Variants in CDK13 observed in about 807,000 individuals in gnomAD.
The protein encoded by CDK13 is cyclin-dependent kinase 13.
Under a neutral mutation model 137.6 loss-of-function variants are expected in CDK13, and 40 were observed. The ratio of observed to expected loss-of-function variants is 0.29; its 90% CI spans 0.23 to 0.38. The LOEUF is 0.38. Ranked by LOEUF, CDK13 falls within the 10% of genes least tolerant of loss-of-function variation. CDK13 has a pLI of 1.00. For missense variants in CDK13, 1,704 were observed against 1,951.8 expected (o/e 0.87, Z 2.39); for synonymous variants, 869 against 760.1 (o/e 1.14, Z -2.36).
intron 5 of CDK13, among the ~76,000 whole-genome samples, chr7:40,024,777 C>T (rs1338135709): frequency 1.3e-5 from 2 of 149,210 alleles, no homozygotes; most frequent in Non-Finnish European, 3.0e-5. Context: ...GATTCCCCTG[C>T]GTCTACCTCC....
At chr7:40,093,312 G>C (rs1168339256) in intron 13 of CDK13, 75 bp downstream of exon 13, 1 of 1,227,294 alleles carries the variant, frequency 8.1e-7, no homozygotes, top group African/African-American at 1.5e-5. Context: ...TATATATAAT[G>C]TGTATAGTTC....
At chr7:39,976,306 C>T (rs1023373562) in intron 1 of CDK13, among the ~76,000 whole-genome samples, 4 of 83,626 alleles carry the variant, frequency 4.8e-5, no homozygotes, top group African/African-American at 1.5e-4. Flanking sequence ...CTCTCTCTCT[C>T]TCTCTCTCTC....
chr7:39,987,669 T>A lies in CDK13; in HGVS notation c.1282T>A (p.Leu428Met), dbSNP rs1411255258. Residue 428 changes from leucine to methionine, a missense_variant, in exon 2 of 14, where the codon TTG (leucine) becomes ATG (methionine). This residue lies in a region of CDK13 where 1,051 missense variants were observed against 931.0 expected (regional missense o/e 1.13). Coordinates refer to ENST00000181839, the MANE Select transcript of CDK13 (RefSeq NM_003718.5). ...RHSRSRSRHR[L>M]SRSRSRHSSI... Reference sequence around the variant, plus strand: ...TTCAAGATCTCGTAGCAGGCACAGATTGTCTAGATCCAGAAGTCGTCATTC... The same window carrying A: ...TTCAAGATCTCGTAGCAGGCACAGAATGTCTAGATCCAGAAGTCGTCATTC... 2.5e-6 allele frequency: 4 copies of A among 1,613,354 alleles called. No homozygotes were observed. Among genetic ancestry groups the A allele is most frequent in the South Asian group, 1.1e-5 (1 of 90,982 alleles).
Position 40,094,522 on chromosome 7 carries a change from C to T in CDK13, c.4081C>T (p.Pro1361Ser), listed in dbSNP as rs746659778. 11 of 1,612,604 alleles carry T rather than the reference C, an allele frequency of 6.8e-6. No homozygotes were observed. Among genetic ancestry groups the T allele is most frequent in the Non-Finnish European group, 8.5e-6 (10 of 1,179,494 alleles). ...SNDGLGSSSA[P>S]PLERRSFIGN... ...TGATGGTCTAGGAAGCAGTTCTGCT[C>T]CACCACTAGAACGACGTAGTTTCAT... Residue 1361 changes from proline (P) to serine (S), a missense_variant, in exon 14 of 14, where the codon CCA (proline) becomes TCA (serine). This residue lies in a region of CDK13 where 475 missense variants were observed against 579.3 expected (regional missense o/e 0.82). Transcript: ENST00000181839.
At chr7:40,027,670 T>TC (rs1297262068) in intron 5 of CDK13, among the ~76,000 whole-genome samples, 4 of 151,304 alleles carry the variant, frequency 2.6e-5, no homozygotes, top group African/African-American at 9.8e-5. Flanking sequence ...TTTTTTTTTT[T>TC]TTTTTTTTGA....
intron 11 of CDK13, among the ~76,000 whole-genome samples, chr7:40,081,999 C>G (rs530764650): frequency 3.7e-4 from 56 of 152,130 alleles, no homozygotes; most frequent in Non-Finnish European, 7.5e-4. Flanking sequence ...ATTTTTTTCC[C>G]AAGTAGTTTG....
intron 5 of CDK13, among the ~76,000 whole-genome samples, chr7:40,034,463 T>C (rs1051374189): frequency 1.3e-5 from 2 of 152,218 alleles, no homozygotes; most frequent in African/African-American, 4.8e-5. Context: ...ATTTTTTTTC[T>C]ATATTTTACT....
intron 2 of CDK13, among the ~76,000 whole-genome samples, chr7:39,992,173 T>TGC (rs1784475080): frequency 1.2e-5 from 1 of 83,670 alleles, no homozygotes; most frequent in Non-Finnish European, 3.6e-5. Flanking sequence ...GGTGTGTGTG[T>TGC]GTGTGTGTGT....
intron 1 of CDK13, among the ~76,000 whole-genome samples, chr7:39,957,132 T>TGTGTGTGTGTGTG (rs1787432278): frequency 6.9e-6 from 1 of 144,806 alleles, no homozygotes; most frequent in African/African-American, 2.6e-5. Context: ...TGTGTGTGTG[T>TGTGTGTGTGTGTG]TTTGGTAGAG....
intron 12 of CDK13, chr7:40,092,416 G>A (rs1020881452): frequency 5.3e-6 from 1 of 188,258 alleles, no homozygotes; most frequent in African/African-American, 2.4e-5. Context: ...AAGGAATAAA[G>A]GATATTAAAT....
intron 1 of CDK13, among the ~76,000 whole-genome samples, chr7:39,979,958 T>G (rs192052495): frequency 9.2e-5 from 14 of 152,254 alleles, no homozygotes; most frequent in Admixed American, 7.2e-4. Flanking sequence ...CAAGGGAACA[T>G]TTTCCCAAGA....
intron 7 of CDK13, chr7:40,062,474 G>A (rs557554585): frequency 5.3e-6 from 1 of 187,142 alleles, no homozygotes; most frequent in East Asian, 1.5e-4. Flanking sequence ...TACAGATGGG[G>A]TTTCACCGTG....
In CDK13 at chr7:40,001,962, C is replaced by CA; in HGVS notation, c.2285dup (p.Ser763GlufsTer11). ...TAAAATTCTCCGGCAGCTTACCCATCAGAGTATTATCAATATGAAGGAAAT... is the reference window on the plus strand; with the variant it reads ...TAAAATTCTCCGGCAGCTTACCCATCAAGAGTATTATCAATATGAAGGAAAT... On this transcript the variant is annotated frameshift_variant, in exon 5 of 14. Transcript: ENST00000181839. LOFTEE classifies it high-confidence loss of function. 1 of 1,610,508 alleles carries CA rather than the reference C, an allele frequency of 6.2e-7. No homozygotes were observed. The highest frequency in any genetic ancestry group is 8.5e-7 in the Non-Finnish European group (1 of 1,177,124).
chr7:40,081,301 G>C (rs955293004), intron 11 of CDK13, among the ~76,000 whole-genome samples: 1 of 152,112 alleles, frequency 6.6e-6, no homozygotes, highest in African/African-American at 2.4e-5. Flanking sequence ...TGGTAACTTT[G>C]ACCAAGAGAT....
chr7:39,951,903 C>T (rs574354005), intron 1 of CDK13, 51 bp downstream of exon 1: 68 of 1,317,254 alleles, frequency 5.2e-5, no homozygotes, highest in Non-Finnish European at 6.3e-5. Context: ...TGGCCAGATC[C>T]CCAGGAGGAA....
At chr7:40,092,582 A>G (rs569159505) in intron 12 of CDK13, 1 of 535,414 alleles carries the variant, frequency 1.9e-6, no homozygotes, top group African/African-American at 1.9e-5. Context: ...ATTTATTCAA[A>G]ATTGACTGCA....
chr7:40,001,542 T>A (rs1267936378), intron 4 of CDK13, among the ~76,000 whole-genome samples: 2 of 152,166 alleles, frequency 1.3e-5, no homozygotes, highest in Non-Finnish European at 2.9e-5. Flanking sequence ...CTTTTTATTT[T>A]TTCCCAAGTG....
intron 9 of CDK13, chr7:40,069,797 G>A (rs1167322215): frequency 1.3e-5 from 2 of 152,074 alleles, no homozygotes; most frequent in African/African-American, 4.8e-5. Flanking sequence ...AGTGATGGAG[G>A]GAGGCCGGGC....
chr7:40,049,929 G>T (rs1307376121), intron 7 of CDK13, among the ~76,000 whole-genome samples: 2 of 150,984 alleles, frequency 1.3e-5, no homozygotes, highest in Non-Finnish European at 2.9e-5. Flanking sequence ...GTTTTTTAAA[G>T]ACTTGAATAG....
Sources: gnomAD v4.1 joint callset for allele counts (sites outside exome capture counted in the v4.1 genomes callset) on GRCh38, gnomAD v4.1.1 for gene constraint, gnomAD v4.1.1 regional missense constraint, MANE v1.5 for transcripts, NCBI Gene and HGNC (gene_info 2026-07-23, HGNC 2026-07-21) for gene names.